The following DERA variants were observed in gnomAD, a reference collection of about 807,000 sequenced individuals.
The protein encoded by DERA is deoxyribose-phosphate aldolase.
A neutral mutation model predicts 41.1 loss-of-function variants in DERA; 15 were observed. The ratio of observed to expected loss-of-function variants is 0.37; its 90% CI spans 0.24 to 0.56. DERA has a LOEUF of 0.56. Among genes scored for constraint, DERA ranks in the 20% least tolerant of loss-of-function variants. The probability of loss-of-function intolerance (pLI) is 0.81; values close to 1 mark genes in which losing one functional copy is unlikely to be tolerated. For synonymous variants in DERA, 139 were observed against 137.4 expected (o/e 1.01, Z -0.08); for missense variants, 396 against 403.4 (o/e 0.98, Z 0.16).
At chr12:16,033,550 AT>A (rs928416064) in intron 7 of DERA, among the ~76,000 whole-genome samples, 214 of 127,756 alleles carry the variant, frequency 1.7e-3, no homozygotes, top group African/African-American at 4.0e-3. Context: ...ATCTCAAAGG[AT>A]TTTTTTTTTT....
intron 5 of DERA, among the ~76,000 whole-genome samples, chr12:15,980,409 G>A (rs3782537): frequency 0.6 from 91,493 of 152,072 alleles, 28,044 homozygotes; most frequent in East Asian, 0.8. Flanking sequence ...TTGGATTAGC[G>A]TTCTTGGATT....
At position 16,036,065 on chromosome 12, in the gene DERA, G is replaced by C. The variant is rs1309395568; in HGVS notation, c.751-167G>C. On this transcript the variant is annotated intron_variant, in intron 7 of 8. Coordinates refer to ENST00000428559, the MANE Select transcript of DERA (RefSeq NM_015954.4). The surrounding 1 kb of genome is among the most constrained non-coding windows in gnomAD (Gnocchi z 4.9). The stretch of plus-strand genomic sequence containing the variant: ...TCTTGGAAAAGTTGTTTTGTAGTGT[G>C]AATGAGCATGAGTCACTGATCTAAG... Among the ~76,000 whole-genome samples, 3 of 152,158 alleles carry C rather than the reference G, an allele frequency of 2.0e-5. No individual in the cohort carries two copies. The highest frequency in any genetic ancestry group is 1.3e-4 in the Admixed American group (2 of 15,272).
In DERA at chr12:16,020,592, G is replaced by A. The variant is rs1193917844; in HGVS notation, c.638-11950G>A. 1.3e-5 allele frequency among the ~76,000 whole-genome samples: 2 copies of A among 152,176 alleles called. No homozygotes were observed. The highest frequency in any genetic ancestry group is 2.4e-5 in the African/African-American group (1 of 41,438). On this transcript the variant is annotated intron_variant, in intron 6 of 8. Transcript: ENST00000428559. The surrounding 1 kb of genome is among the most constrained non-coding windows in gnomAD (Gnocchi z 5.5). Reference sequence around the variant, plus strand: ...AAATGTGGGAGCAGCTTTGGAACTGGGTAATGGAGAGGTTGGAAGAGTTTG... The same window carrying A: ...AAATGTGGGAGCAGCTTTGGAACTGAGTAATGGAGAGGTTGGAAGAGTTTG...
At chr12:16,034,347 A>C (rs1016446938) in intron 7 of DERA, among the ~76,000 whole-genome samples, 1 of 152,168 alleles carries the variant, frequency 6.6e-6, no homozygotes, top group African/African-American at 2.4e-5. Flanking sequence ...TGTCAATGAA[A>C]TTTTTAAGTG....
chr12:15,980,067 G>A (rs905000675), intron 5 of DERA, among the ~76,000 whole-genome samples: 2 of 152,192 alleles, frequency 1.3e-5, no homozygotes, highest in Non-Finnish European at 2.9e-5. Flanking sequence ...GTCAGGCCAT[G>A]AAATAAGATT....
chr12:15,960,636 C>CAAAAAA (rs1163104277), intron 4 of DERA, among the ~76,000 whole-genome samples: 66 of 28,706 alleles, frequency 2.3e-3, no homozygotes, highest in Admixed American at 3.6e-3. Context: ...GACTCCGTCT[C>CAAAAAA]AAAAAAAAAA....
Position 16,020,046 on chromosome 12 carries a change from C to G in DERA, c.638-12496C>G, listed in dbSNP as rs186957757. Among the ~76,000 whole-genome samples the G allele has an allele frequency of 5.9e-3, 895 of 152,314 alleles. 8 individuals carry two copies. The highest frequency in any genetic ancestry group is 0.02 in the African/African-American group (832 of 41,584). ...TCTCGCCATCTGACATGCCTGCTCTCTTTGCTTTCTGCTGTGATTGTAAGC... is the reference window on the plus strand; with the variant it reads ...TCTCGCCATCTGACATGCCTGCTCTGTTTGCTTTCTGCTGTGATTGTAAGC... On this transcript the variant is annotated intron_variant, in intron 6 of 8. Transcript: ENST00000428559. The surrounding 1 kb of genome is among the most constrained non-coding windows in gnomAD (Gnocchi z 5.5).
rs767403269 is a variant in DERA at position 16,036,778 on chromosome 12, G to A, written c.*32G>A. On this transcript the variant is annotated 3_prime_UTR_variant, in exon 9 of 9. Coordinates refer to ENST00000428559, the MANE Select transcript of DERA (RefSeq NM_015954.4). This position sits in a 1 kb window ranked among gnomAD's most constrained non-coding sequence, Gnocchi z 4.9. Reference sequence around the variant, plus strand: ...CACCAGTTCCAGAAAAGTTCTTTACGACAATGTTTAAAAATTATTTTTCTA... The same window carrying A: ...CACCAGTTCCAGAAAAGTTCTTTACAACAATGTTTAAAAATTATTTTTCTA... The A allele has an allele frequency of 1.3e-5, 20 of 1,494,814 alleles. 1 individual carries two copies. Among genetic ancestry groups the A allele is most frequent in the South Asian group, 3.7e-5 (3 of 80,730 alleles). 92.6% of individuals were successfully genotyped at this position (1,494,814 alleles called of 1,614,324 possible).
At chr12:16,033,407 G>A (rs77927703) in intron 7 of DERA, among the ~76,000 whole-genome samples, 1 of 152,150 alleles carries the variant, frequency 6.6e-6, no homozygotes, top group Non-Finnish European at 1.5e-5. Flanking sequence ...ACTAGTTTTT[G>A]TCAGCTTTTC....
At position 15,982,395 on chromosome 12, in the gene DERA, T is replaced by G; in HGVS notation, c.596T>G (p.Leu199Arg). ...TTAGCGACAGGAGAACTTGGAACTC[T>G]TACTAATGTCTATAAAGCCAGTATG... ...TILATGELGT[L>R]TNVYKASMIA... Residue 199 changes from leucine (L) to arginine (R), a missense_variant, in exon 6 of 9, where the codon CTT becomes CGT. By Grantham distance (102) the Leu-to-Arg change is moderately radical. Coordinates refer to ENST00000428559, the MANE Select transcript of DERA (RefSeq NM_015954.4). The surrounding 1 kb of genome is among the most constrained non-coding windows in gnomAD (Gnocchi z 4.0). 1 of 1,613,862 alleles carries G rather than the reference T, an allele frequency of 6.2e-7. No individual in the cohort carries two copies. Among genetic ancestry groups the G allele is most frequent in the Non-Finnish European group, 8.5e-7 (1 of 1,179,842 alleles).
At chr12:15,948,424 A>G (rs1230788804) in intron 1 of DERA, among the ~76,000 whole-genome samples, 5 of 150,942 alleles carry the variant, frequency 3.3e-5, no homozygotes, top group Non-Finnish European at 7.4e-5. Flanking sequence ...TTTTCTCTAA[A>G]CTTCTCACTT....
At chr12:16,018,730 C>G (rs1949000381) in intron 6 of DERA, among the ~76,000 whole-genome samples, 1 of 151,752 alleles carries the variant, frequency 6.6e-6, no homozygotes. Flanking sequence ...CTTTGAGTTG[C>G]CTTAGACCAC....
chr12:15,983,572 C>T lies in DERA; in HGVS notation c.637+1136C>T, dbSNP rs1170716534. ...GCCCATTATCTCCTCTGTGTGTCCCCACGGCATTCAAGTAAAAGCCCTATC... is the reference window on the plus strand; with the variant it reads ...GCCCATTATCTCCTCTGTGTGTCCCTACGGCATTCAAGTAAAAGCCCTATC... On this transcript the variant is annotated intron_variant, in intron 6 of 8. Coordinates refer to ENST00000428559, the MANE Select transcript of DERA (RefSeq NM_015954.4). This position sits in a 1 kb window ranked among gnomAD's most constrained non-coding sequence, Gnocchi z 6.2. Among the ~76,000 whole-genome samples the T allele has an allele frequency of 6.6e-6, 1 of 152,182 alleles. No individual in the cohort carries two copies. Among genetic ancestry groups the T allele is most frequent in the East Asian group, 1.9e-4 (1 of 5,196 alleles).
At chr12:15,974,723 C>A (rs541515494) in intron 5 of DERA, among the ~76,000 whole-genome samples, 2 of 152,242 alleles carry the variant, frequency 1.3e-5, no homozygotes, top group South Asian at 4.1e-4. Flanking sequence ...CCTCATCTAA[C>A]TTTTATTCAC....
rs1948552336 is a variant in DERA, at chr12:15,957,889, G to A, written c.130-299G>A. Among the ~76,000 whole-genome samples the A allele has an allele frequency of 1.3e-5, 2 of 152,306 alleles. No individual in the cohort carries two copies. The highest frequency in any genetic ancestry group is 4.1e-4 in the South Asian group (2 of 4,826). On this transcript the variant is annotated intron_variant, in intron 2 of 8. Transcript: ENST00000428559. This position sits in a 1 kb window ranked among gnomAD's most constrained non-coding sequence, Gnocchi z 4.8. ...TCTGATGGGCTCTCCCTTTGGCTGA[G>A]ATGGAGTAGTCAGAAGTGGGGAGAC...
chr12:15,925,914 G>A (rs965257403), intron 1 of DERA, among the ~76,000 whole-genome samples: 6 of 137,298 alleles, frequency 4.4e-5, no homozygotes, highest in East Asian at 4.6e-4. Flanking sequence ...TGCAGTCTCC[G>A]CCTCCCAGGT....
rs1948870604 is a variant in DERA at position 16,000,892 on chromosome 12, AT to A, written c.637+18458del. ...GATTGTAGAGTAGATAACTTAGACA[AT>A]TAAAAAGCAGGTTTTGTTCTGCCTT... On this transcript the variant is annotated intron_variant, in intron 6 of 8. Coordinates refer to ENST00000428559, the MANE Select transcript of DERA (RefSeq NM_015954.4). This position sits in a 1 kb window ranked among gnomAD's most constrained non-coding sequence, Gnocchi z 4.8. Among the ~76,000 whole-genome samples, 1 of 152,210 alleles carries A rather than the reference AT, an allele frequency of 6.6e-6. No individual in the cohort carries two copies. Among genetic ancestry groups the A allele is most frequent in the African/African-American group, 2.4e-5 (1 of 41,454 alleles).
rs771711307 is a variant in DERA at position 15,915,802 on chromosome 12, T to C, written c.31+4388T>C. On this transcript the variant is annotated intron_variant, in intron 1 of 8. Coordinates refer to ENST00000428559, the MANE Select transcript of DERA (RefSeq NM_015954.4). This position sits in a 1 kb window ranked among gnomAD's most constrained non-coding sequence, Gnocchi z 4.8. ...GTCCACAATGGCCCTGTGAGGGAGA[T>C]AGCATGATCCAGGTTTACACACGAG... is the stretch of plus-strand genomic sequence containing the variant. 6.6e-6 allele frequency among the ~76,000 whole-genome samples: 1 copy of C among 152,148 alleles called. No individual in the cohort carries two copies. The highest frequency in any genetic ancestry group is 1.5e-5 in the Non-Finnish European group (1 of 68,036).
rs1187345738 is a variant in DERA, at chr12:15,967,523, T to G, written c.508+4576T>G. On this transcript the variant is annotated intron_variant, in intron 5 of 8. Coordinates refer to ENST00000428559, the MANE Select transcript of DERA (RefSeq NM_015954.4). This position sits in a 1 kb window ranked among gnomAD's most constrained non-coding sequence, Gnocchi z 4.9. ...TACAATTTAATTTTTTCTTGATTAT[T>G]CCAAACTGTTTCATTACTGATTATA... 6.6e-6 allele frequency among the ~76,000 whole-genome samples: 1 copy of G among 152,250 alleles called. No individual in the cohort carries two copies. Among genetic ancestry groups the G allele is most frequent in the Non-Finnish European group, 1.5e-5 (1 of 68,044 alleles).
Sources: allele counts gnomAD v4.1 joint callset (sites outside exome capture counted in the v4.1 genomes callset), GRCh38; gene constraint gnomAD v4.1.1; non-coding constraint Gnocchi (gnomAD v3.1); transcripts MANE v1.5; gene names NCBI Gene and HGNC (gene_info 2026-07-23, HGNC 2026-07-21).